Variants in PTPRN2 observed in about 807,000 individuals in gnomAD.
The protein encoded by PTPRN2 is receptor-type tyrosine-protein phosphatase N2.
A neutral mutation model predicts 118.8 loss-of-function variants in PTPRN2; 74 were observed. The observed-to-expected ratio is 0.62, with a 90% CI of 0.52 to 0.76. PTPRN2 has a LOEUF of 0.76. Among genes scored for constraint, PTPRN2 ranks in the 30% least tolerant of loss-of-function variants. The pLI is 0.00. For synonymous variants in PTPRN2, 641 were observed against 608.0 expected, an observed-to-expected ratio of 1.05 and a Z score of -0.80; for missense variants, 1,481 against 1,394.4, an observed-to-expected ratio of 1.06 and a Z score of -0.99.
rs116257773 is a variant in PTPRN2 at position 158,488,079 on chromosome 7, C to T, written c.163+1656G>A. Reference sequence around the variant, plus strand: ...CCCAGGCCGGCCTTTGTCAAGGAGCCGGGGAGACAGCCTCGGCTTTTATTC... The same window carrying T: ...CCCAGGCCGGCCTTTGTCAAGGAGCTGGGGAGACAGCCTCGGCTTTTATTC... On this transcript the variant is annotated intron_variant, in intron 2 of 22. Coordinates refer to ENST00000389418, the MANE Select transcript of PTPRN2 (RefSeq NM_002847.5). 8.4e-3 allele frequency among the ~76,000 whole-genome samples: 1,282 copies of T among 152,140 alleles called. 20 individuals are homozygous for T. Among genetic ancestry groups the T allele is most frequent in the African/African-American group, 0.028 (1,172 of 41,504 alleles).
intron 3 of PTPRN2, among the ~76,000 whole-genome samples, chr7:158,299,992 G>A (rs1268216241): frequency 6.6e-6 from 1 of 152,174 alleles, no homozygotes; most frequent in African/African-American, 2.4e-5. Flanking sequence ...GGTCAGAGCA[G>A]GCAAAACGAG....
At chr7:158,198,036 T>C (rs1338598107) in intron 4 of PTPRN2, among the ~76,000 whole-genome samples, 1 of 152,248 alleles carries the variant, frequency 6.6e-6, no homozygotes, top group Non-Finnish European at 1.5e-5. Flanking sequence ...CTTGGCCATT[T>C]TTTAATTAAT....
At chr7:158,021,187 T>C (rs748491491) in intron 11 of PTPRN2, among the ~76,000 whole-genome samples, 19 of 152,242 alleles carry the variant, frequency 1.2e-4, no homozygotes, top group Non-Finnish European at 2.8e-4. Flanking sequence ...CTCCAATTTG[T>C]TGACATCCTC....
At chr7:158,454,870 A>G (rs1349700315) in intron 2 of PTPRN2, among the ~76,000 whole-genome samples, 3 of 152,166 alleles carry the variant, frequency 2.0e-5, no homozygotes, top group African/African-American at 7.2e-5. Context: ...TGTGTTCAAA[A>G]ACAGAGATGA....
At chr7:158,569,315 A>T (rs1289702582) in intron 1 of PTPRN2, among the ~76,000 whole-genome samples, 1 of 152,182 alleles carries the variant, frequency 6.6e-6, no homozygotes, top group African/African-American at 2.4e-5. Context: ...TGGGTTGTAA[A>T]CCAGGGAGTT....
At chr7:158,365,515 T>C (rs949775209) in intron 2 of PTPRN2, among the ~76,000 whole-genome samples, 1 of 152,188 alleles carries the variant, frequency 6.6e-6, no homozygotes, top group Non-Finnish European at 1.5e-5. Flanking sequence ...TCGCTCCCAT[T>C]GGAAACAGCA....
chr7:157,973,799 C>T (rs1173244232), intron 11 of PTPRN2, among the ~76,000 whole-genome samples: 1 of 152,174 alleles, frequency 6.6e-6, no homozygotes, highest in African/African-American at 2.4e-5. Flanking sequence ...AAATAAATAG[C>T]ATGCTTTTAG....
intron 21 of PTPRN2, among the ~76,000 whole-genome samples, chr7:157,559,439 G>A (rs1012235421): frequency 2.0e-5 from 3 of 152,166 alleles, no homozygotes; most frequent in Non-Finnish European, 2.9e-5. Flanking sequence ...GGGGCTGGAC[G>A]AGCAGAGGAA....
At chr7:158,288,755 AT>A (rs1245502167) in intron 3 of PTPRN2, among the ~76,000 whole-genome samples, 2 of 152,092 alleles carry the variant, frequency 1.3e-5, no homozygotes, top group African/African-American at 4.8e-5. Context: ...CTGTATACTT[AT>A]TTTTATCAGT....
chr7:158,454,398 C>T (rs1344154753), intron 2 of PTPRN2, among the ~76,000 whole-genome samples: 1 of 138,986 alleles, frequency 7.2e-6, no homozygotes. Context: ...GGATTGGGGA[C>T]AGTTGTTATG....
At chr7:158,031,682 C>T (rs1807693699) in intron 11 of PTPRN2, among the ~76,000 whole-genome samples, 1 of 152,100 alleles carries the variant, frequency 6.6e-6, no homozygotes, top group African/African-American at 2.4e-5. Flanking sequence ...GCCACACTTT[C>T]CAGAAGGCAT....
intron 6 of PTPRN2, among the ~76,000 whole-genome samples, chr7:158,147,508 A>T (rs1341950495): frequency 2.2e-5 from 1 of 45,796 alleles, no homozygotes; most frequent in South Asian, 7.6e-4. Flanking sequence ...CTCACGCCAC[A>T]GGTCTTTCCC....
intron 3 of PTPRN2, among the ~76,000 whole-genome samples, chr7:158,281,603 G>A (rs577277655): frequency 1.5e-3 from 228 of 152,324 alleles, no homozygotes; most frequent in Admixed American, 0.014. Flanking sequence ...GGTGCCCTGC[G>A]CATTTGTGCT....
chr7:158,343,442 G>T (rs1004917238), intron 2 of PTPRN2, among the ~76,000 whole-genome samples: 2 of 152,152 alleles, frequency 1.3e-5, no homozygotes, highest in Non-Finnish European at 1.5e-5. Flanking sequence ...GAGAAAATAG[G>T]GCCCTGTGCT....
intron 14 of PTPRN2, among the ~76,000 whole-genome samples, chr7:157,624,376 G>A (rs141931286): frequency 2.3e-4 from 35 of 151,870 alleles, no homozygotes; most frequent in East Asian, 1.7e-3. Flanking sequence ...AACCGAGATC[G>A]CATCATTGCA....
intron 11 of PTPRN2, among the ~76,000 whole-genome samples, chr7:157,918,411 G>A (rs1036721122): frequency 6.6e-6 from 1 of 152,170 alleles, no homozygotes; most frequent in East Asian, 1.9e-4. Context: ...GAAGGAACAG[G>A]AGGGAAGCTG....
intron 9 of PTPRN2, among the ~76,000 whole-genome samples, chr7:158,129,116 T>G (rs1340081397): frequency 7.0e-6 from 1 of 142,688 alleles, no homozygotes; most frequent in Admixed American, 7.0e-5. Flanking sequence ...ACACAACACA[T>G]AAACCACACA....
chr7:157,758,318 A>T (rs915359039), intron 12 of PTPRN2, among the ~76,000 whole-genome samples: 5 of 152,260 alleles, frequency 3.3e-5, no homozygotes, highest in African/African-American at 1.2e-4. Context: ...CTCCTGGGTC[A>T]TGCTCCGCTC....
chr7:158,027,225 TG>T (rs1392263790), intron 11 of PTPRN2: 1 of 152,098 alleles, frequency 6.6e-6, no homozygotes, highest in Non-Finnish European at 1.5e-5. Context: ...GAAAGGTAAA[TG>T]TAAGTGGCAG....
Sources: gnomAD v4.1 joint callset for allele counts (sites outside exome capture counted in the v4.1 genomes callset) on GRCh38, gnomAD v4.1.1 for gene constraint, MANE v1.5 for transcripts, NCBI Gene and HGNC (gene_info 2026-07-23, HGNC 2026-07-21) for gene names.